PLA2G1B: variants seen among roughly 807,000 people sequenced by gnomAD.
PLA2G1B encodes phospholipase A2 group IB, also known as phospholipase A2.
In PLA2G1B, 12 loss-of-function variants were observed where a neutral mutation model predicts 12.5. The observed-to-expected ratio is 0.96, with a 90% confidence interval of 0.62 to 1.56. The LOEUF (loss-of-function observed/expected upper bound fraction) is 1.56. Among genes scored for constraint, PLA2G1B ranks in the 40% most tolerant of loss-of-function variants. The probability of loss-of-function intolerance (pLI) is 0.00; values close to 1 mark genes in which losing one functional copy is unlikely to be tolerated. For missense variants in PLA2G1B, 189 were observed against 186.7 expected, an observed-to-expected ratio of 1.01 and a Z score of -0.07; for synonymous variants, 81 against 73.4, an observed-to-expected ratio of 1.10 and a Z score of -0.53.
At chr12:120,323,151 A>C (rs1017452686) in intron 3 of PLA2G1B, among the ~76,000 whole-genome samples, 2 of 152,216 alleles carry the variant, frequency 1.3e-5, no homozygotes, top group African/African-American at 4.8e-5. Flanking sequence ...TTTTATAACC[A>C]AAATAAACAA....
chr12:120,325,790 T>G, intron 2 of PLA2G1B, 71 bp downstream of exon 2: 5 of 1,442,768 alleles, frequency 3.5e-6, no homozygotes, highest in Non-Finnish European at 4.8e-6. Context: ...GTATGCCTCG[T>G]GAGATCCTTG....
intron 2 of PLA2G1B, 97 bp downstream of exon 2, chr12:120,325,764 T>C (rs1873328948): frequency 1.8e-6 from 2 of 1,096,718 alleles, no homozygotes; most frequent in Non-Finnish European, 2.7e-6. Context: ...CCTTAGCAGA[T>C]ATGCAAGTCC....
At chr12:120,324,355 T>C (rs191527967) in intron 3 of PLA2G1B, among the ~76,000 whole-genome samples, 95 of 152,062 alleles carry the variant, frequency 6.2e-4, no homozygotes, top group East Asian at 2.9e-3. Context: ...TTACATTCTA[T>C]TGGAAAGATG....
chr12:120,326,089 C>T (rs1873341858), intron 1 of PLA2G1B, 69 bp from the exon 2 acceptor site: 2 of 1,538,370 alleles, frequency 1.3e-6, no homozygotes, highest in Non-Finnish European at 1.8e-6. Context: ...CCTTCCTGCT[C>T]CCTCGGGTCC....
At chr12:120,326,677 T>C (rs776725467) in intron 1 of PLA2G1B, among the ~76,000 whole-genome samples, 5 of 151,138 alleles carry the variant, frequency 3.3e-5, no homozygotes, top group Non-Finnish European at 7.4e-5. Flanking sequence ...CAATAAATAA[T>C]AAATGTGATA....
At chr12:120,323,718 G>A (rs1236284673) in intron 3 of PLA2G1B, among the ~76,000 whole-genome samples, 1 of 151,844 alleles carries the variant, frequency 6.6e-6, no homozygotes, top group African/African-American at 2.4e-5. Flanking sequence ...TGTAAATTTG[G>A]CCTTCTAAAG....
In PLA2G1B at chr12:120,324,998, C is replaced by T; in HGVS notation, c.258G>A (p.Leu86=). The part of the protein sequence containing the change: ...QAKKLDSCKF[L]LDNPYTHTYS... ...AGGTGTGGGTGTACGGGTTGTCCAG[C>T]AGAAATTTACAGCTGTCCAGCTTCT... Residue 86 remains leucine (L), a synonymous_variant, in exon 3 of 4, where the codon CTG becomes CTA. Coordinates refer to ENST00000308366, the MANE Select transcript of PLA2G1B (RefSeq NM_000928.3). 6.2e-7 allele frequency: 1 copy of T among 1,613,996 alleles called. No homozygotes were observed. The highest frequency in any genetic ancestry group is 8.5e-7 in the Non-Finnish European group (1 of 1,179,958).
Position 120,322,682 on chromosome 12 carries a change from G to T in PLA2G1B, c.323-365C>A, listed in dbSNP as rs1349082397. ...GCTCACTGCAACTTCTGCCTCCTGA[G>T]TTCAAGTGATACTCCTGCCTCAGAC... On this transcript the variant is annotated intron_variant, in intron 3 of 3. Coordinates refer to ENST00000308366, the MANE Select transcript of PLA2G1B (RefSeq NM_000928.3). Among the ~76,000 whole-genome samples the T allele has an allele frequency of 3.3e-5, 5 of 152,290 alleles. No individual in the cohort carries two copies. In the East Asian group the frequency reaches 9.6e-4, roughly 29 times the overall value.
rs1444070822 is a variant in PLA2G1B at position 120,322,266 on chromosome 12, G to A, written c.374C>T (p.Ala125Val). The change falls in exon 4 of 4, where the codon GCC becomes GTC. Residue 125 changes from alanine to valine, a missense_variant. Physicochemically the swap from Ala to Val is moderately conservative, Grantham distance 64. Transcript: ENST00000308366. ...ATATGGAGCTTTTGAAAAGCAGATG[G>A]CAGCGTTGCGGTCGCAGTTGCAAAT... Reference protein sequence around the residue: ...AFICNCDRNAAICFSKAPYNK... With the variant: ...AFICNCDRNAVICFSKAPYNK... 6.2e-7 allele frequency: 1 copy of A among 1,613,886 alleles called. No homozygotes were observed. Among genetic ancestry groups the A allele is most frequent in the Non-Finnish European group, 8.5e-7 (1 of 1,179,868 alleles).
In PLA2G1B at chr12:120,327,779, T is replaced by C; in HGVS notation, c.-26A>G. On this transcript the variant is annotated 5_prime_UTR_variant, in exon 1 of 4. Coordinates refer to ENST00000308366, the MANE Select transcript of PLA2G1B (RefSeq NM_000928.3). ...CTTGCAGTCAAGGTGAGAAAAGAAC[T>C]GAGATGACCAGTCTCAGGTATAGTC... 6.2e-7 allele frequency: 1 copy of C among 1,607,776 alleles called. No homozygotes were observed. Among genetic ancestry groups the C allele is most frequent in the Non-Finnish European group, 8.5e-7 (1 of 1,174,240 alleles).
intron 3 of PLA2G1B, among the ~76,000 whole-genome samples, chr12:120,322,672 T>C (rs79283635): frequency 6.6e-6 from 1 of 152,178 alleles, no homozygotes; most frequent in South Asian, 2.1e-4. Context: ...CTGCAACTTC[T>C]GCCTCCTGAG....
Position 120,325,904 on chromosome 12 carries a change from A to T in PLA2G1B, c.151T>A (p.Cys51Ser), listed in dbSNP as rs759372850. 4 of 1,614,150 alleles carry T rather than the reference A, an allele frequency of 2.5e-6. No homozygotes were observed. In the Admixed American group the frequency reaches 6.7e-5, roughly 27 times the overall value. Residue 51 changes from cysteine to serine, a missense_variant, in exon 2 of 4, where the codon TGT (cysteine) becomes AGT (serine). Coordinates refer to ENST00000308366, the MANE Select transcript of PLA2G1B (RefSeq NM_000928.3). ...FLEYNNYGCY[C>S]GLGGSGTPVD... ...GGGGTGCCTGAGCCCCCCAAGCCAC[A>T]GTAGCAGCCGTAGTTGTTGTATTCC...
chr12:120,327,682 G>T, intron 1 of PLA2G1B, 38 bp downstream of exon 1: 1 of 1,603,158 alleles, frequency 6.2e-7, no homozygotes, highest in Non-Finnish European at 8.5e-7. Context: ...AGCTCACTTG[G>T]GAGAGAAAGG....
At chr12:120,326,297 C>T (rs894223218) in intron 1 of PLA2G1B, among the ~76,000 whole-genome samples, 20 of 147,220 alleles carry the variant, frequency 1.4e-4, no homozygotes, top group African/African-American at 4.2e-4. Flanking sequence ...GGGACCCTAC[C>T]GCCTCAGCTA....
At chr12:120,325,177 A>G in intron 2 of PLA2G1B, 116 bp from the exon 3 acceptor site, 1 of 969,774 alleles carries the variant, frequency 1.0e-6, no homozygotes, top group Non-Finnish European at 1.6e-6. Context: ...TTCAGGAGAA[A>G]TGATCCTATG....
At chr12:120,325,188 G>A (rs1873316920) in intron 2 of PLA2G1B, 127 bp from the exon 3 acceptor site, 3 of 889,100 alleles carry the variant, frequency 3.4e-6, no homozygotes, top group Non-Finnish European at 5.2e-6. Flanking sequence ...TGATCCTATG[G>A]CTTGAAAAAA....
At chr12:120,323,664 G>A (rs1873281466) in intron 3 of PLA2G1B, among the ~76,000 whole-genome samples, 1 of 152,048 alleles carries the variant, frequency 6.6e-6, no homozygotes, top group Non-Finnish European at 1.5e-5. Context: ...GTGTGTGTGT[G>A]TGTGTATTTC....
At chr12:120,327,402 G>A (rs532994240) in intron 1 of PLA2G1B, among the ~76,000 whole-genome samples, 7 of 152,334 alleles carry the variant, frequency 4.6e-5, no homozygotes, top group South Asian at 4.1e-4. Flanking sequence ...TTGAGCCCAC[G>A]AGTTGGAAGC....
At chr12:120,327,381 G>C (rs188420337) in intron 1 of PLA2G1B, among the ~76,000 whole-genome samples, 206 of 152,188 alleles carry the variant, frequency 1.4e-3, no homozygotes, top group Middle Eastern at 3.4e-3. Flanking sequence ...TGAGTAAGGT[G>C]GGAGGATCAC....
Sources: allele counts gnomAD v4.1 joint callset (sites outside exome capture counted in the v4.1 genomes callset), GRCh38; gene constraint gnomAD v4.1.1; transcripts MANE v1.5; gene names NCBI Gene and HGNC (gene_info 2026-07-23, HGNC 2026-07-21).